Variants in ZZZ3 observed in about 807,000 individuals in gnomAD.
The protein encoded by ZZZ3 is zinc finger ZZ-type containing 3, also known as ZZ-type zinc finger-containing protein 3.
Under a neutral mutation model 95.2 loss-of-function variants are expected in ZZZ3, and 22 were observed. The observed-to-expected ratio is 0.23, with a 90% CI of 0.17 to 0.33. The LOEUF (loss-of-function observed/expected upper bound fraction) is 0.33, where lower values mean the gene tolerates loss of function less well. ZZZ3 is among the 10% of genes least tolerant of loss of function. ZZZ3 has a pLI of 1.00. For synonymous variants in ZZZ3, 335 were observed against 358.9 expected (o/e 0.93, Z 0.75); for missense variants, 885 against 1,066.5 (o/e 0.83, Z 2.37).
At chr1:77,578,272 C>T (rs980395372) in intron 11 of ZZZ3, among the ~76,000 whole-genome samples, 1 of 152,146 alleles carries the variant, frequency 6.6e-6, no homozygotes, top group Non-Finnish European at 1.5e-5. Flanking sequence ...CGGGACCTCA[C>T]TATGTTGCCT....
At chr1:77,668,291 C>CTACCTAAGGT (rs1553182750) in intron 1 of ZZZ3, among the ~76,000 whole-genome samples, 1 of 152,076 alleles carries the variant, frequency 6.6e-6, no homozygotes, top group Non-Finnish European at 1.5e-5. Context: ...CTGGGAATTG[C>CTACCTAAGGT]TACCTAAGGT....
At chr1:77,654,185 CAAAAAAAAAAAAAA>C (rs749067016) in intron 1 of ZZZ3, among the ~76,000 whole-genome samples, 2 of 66,344 alleles carry the variant, frequency 3.0e-5, no homozygotes, top group African/African-American at 1.1e-4. Flanking sequence ...GACTCCATCT[CAAAAAAAAAAAAAA>C]AAAAAAAAAG....
In ZZZ3 at chr1:77,580,981, T is replaced by G. The variant is rs1280394905; in HGVS notation, c.1980+17A>C. Reference sequence around the variant, plus strand: ...ACTTGTTTTTTTAAGCCTACACGATTTTGAAATATTTATTACCTGTTCTTC... The same window carrying G: ...ACTTGTTTTTTTAAGCCTACACGATGTTGAAATATTTATTACCTGTTCTTC... On this transcript the variant is annotated intron_variant, in intron 9 of 14. Coordinates refer to ENST00000370801, the MANE Select transcript of ZZZ3 (RefSeq NM_015534.6). 43 of 1,610,072 alleles carry G rather than the reference T, an allele frequency of 2.7e-5. No homozygotes were observed. The highest frequency in any genetic ancestry group is 3.5e-5 in the Non-Finnish European group (41 of 1,176,444).
chr1:77,595,203 T>G (rs958293804), intron 5 of ZZZ3, among the ~76,000 whole-genome samples: 4 of 151,994 alleles, frequency 2.6e-5, no homozygotes, highest in Non-Finnish European at 5.9e-5. Context: ...ATTTAAATAT[T>G]GAAAAATAAG....
chr1:77,627,456 G>T (rs1378550271), intron 5 of ZZZ3, among the ~76,000 whole-genome samples: 1 of 152,116 alleles, frequency 6.6e-6, no homozygotes, highest in African/African-American at 2.4e-5. Context: ...AACAGTAAAA[G>T]TAGACTCTCA....
chr1:77,633,474 C>A, intron 4 of ZZZ3, 69 bp from the exon 5 acceptor site: 1 of 1,031,466 alleles, frequency 9.7e-7, no homozygotes, highest in Non-Finnish European at 1.4e-6. Context: ...AAGTATAAAG[C>A]TATAACTTTT....
intron 4 of ZZZ3, among the ~76,000 whole-genome samples, chr1:77,638,753 G>A (rs1668513016): frequency 6.6e-6 from 1 of 152,164 alleles, no homozygotes; most frequent in Non-Finnish European, 1.5e-5. Context: ...GGAAAAAAGA[G>A]CAAATGCAAC....
intron 10 of ZZZ3, among the ~76,000 whole-genome samples, chr1:77,579,181 T>C (rs1662257259): frequency 6.6e-6 from 1 of 152,202 alleles, no homozygotes; most frequent in Non-Finnish European, 1.5e-5. Flanking sequence ...AACTGCAAGA[T>C]ACATTTTTAG....
At position 77,581,766 on chromosome 1, in the gene ZZZ3, C is replaced by T; in HGVS notation, c.1908+10G>A. 3.1e-6 allele frequency: 5 copies of T among 1,589,686 alleles called. No homozygotes were observed. The highest frequency in any genetic ancestry group is 4.3e-6 in the Non-Finnish European group (5 of 1,167,634). On this transcript the variant is annotated intron_variant, in intron 8 of 14. Transcript: ENST00000370801. ...CAAATTCTCCTACTCCAATATTTCA[C>T]ACTGCTTACCTGAGGACGACTGCTT...
intron 1 of ZZZ3, among the ~76,000 whole-genome samples, chr1:77,672,307 G>A (rs1169249891): frequency 6.6e-6 from 1 of 152,092 alleles, no homozygotes; most frequent in African/African-American, 2.4e-5. Context: ...ATCCTCTAGT[G>A]GTTTAGTTTA....
At chr1:77,620,500 AG>A (rs1666751639) in intron 5 of ZZZ3, among the ~76,000 whole-genome samples, 4 of 144,962 alleles carry the variant, frequency 2.8e-5, no homozygotes, top group East Asian at 3.9e-4. Context: ...GAAGGAAGGA[AG>A]GAAGGAAGGA....
chr1:77,621,151 T>A, intron 5 of ZZZ3, among the ~76,000 whole-genome samples: 1 of 152,198 alleles, frequency 6.6e-6, no homozygotes, highest in East Asian at 1.9e-4. Context: ...CTAAATAATA[T>A]AAGCATCTTG....
intron 12 of ZZZ3, among the ~76,000 whole-genome samples, chr1:77,574,051 A>G (rs1661670915): frequency 6.7e-6 from 1 of 150,370 alleles, no homozygotes; most frequent in South Asian, 2.1e-4. Context: ...ATTTATTCCA[A>G]GATAATTTAA....
intron 5 of ZZZ3, among the ~76,000 whole-genome samples, chr1:77,585,505 G>A (rs1662996651): frequency 6.6e-6 from 1 of 152,114 alleles, no homozygotes; most frequent in Non-Finnish European, 1.5e-5. Context: ...AATACATTTT[G>A]CAAAACAACT....
intron 1 of ZZZ3, among the ~76,000 whole-genome samples, chr1:77,645,918 C>A (rs924860451): frequency 9.3e-5 from 14 of 150,736 alleles, no homozygotes; most frequent in Non-Finnish European, 1.8e-4. Flanking sequence ...TTGCAGTGAG[C>A]CGAGATCACA....
chr1:77,605,693 C>G (rs1456006139), intron 5 of ZZZ3, among the ~76,000 whole-genome samples: 1 of 152,158 alleles, frequency 6.6e-6, no homozygotes, highest in East Asian at 1.9e-4. Context: ...GCCCCCATTC[C>G]AGGCCATAGC....
At chr1:77,650,059 T>C (rs1669662749) in intron 1 of ZZZ3, among the ~76,000 whole-genome samples, 1 of 152,126 alleles carries the variant, frequency 6.6e-6, no homozygotes, top group African/African-American at 2.4e-5. Flanking sequence ...CACTTCAAAG[T>C]ATGCTAAGAT....
intron 4 of ZZZ3, 30 bp from the exon 5 acceptor site, chr1:77,633,435 A>G: frequency 6.9e-7 from 1 of 1,456,420 alleles, no homozygotes; most frequent in Non-Finnish European, 9.2e-7. Context: ...ATAATGAGAA[A>G]AAGGTAATAG....
chr1:77,675,050 G>C (rs1259140599), intron 1 of ZZZ3, among the ~76,000 whole-genome samples: 6 of 151,732 alleles, frequency 4.0e-5, no homozygotes, highest in Non-Finnish European at 4.4e-5. Context: ...GGGGTGGAGA[G>C]TGGAGAGTTA....
Sources: allele counts gnomAD v4.1 joint callset (sites outside exome capture counted in the v4.1 genomes callset), GRCh38; gene constraint gnomAD v4.1.1; transcripts MANE v1.5; gene names NCBI Gene and HGNC (gene_info 2026-07-23, HGNC 2026-07-21).